Variants in GP2 observed in about 807,000 individuals in gnomAD.
GP2 encodes pancreatic secretory granule membrane major glycoprotein GP2.
A neutral mutation model predicts 60.8 loss-of-function variants in GP2; 58 were observed. The ratio of observed to expected loss-of-function variants is 0.95; its 90% CI spans 0.77 to 1.19. The LOEUF (loss-of-function observed/expected upper bound fraction) is 1.19, where lower values mean the gene tolerates loss of function less well. Ranked by LOEUF, GP2 falls within the 50% of genes most tolerant of loss-of-function variation. The pLI is 0.00. For synonymous variants in GP2, 280 were observed against 253.4 expected, an observed-to-expected ratio of 1.10 and a Z score of -1.00; for missense variants, 647 against 667.4, an observed-to-expected ratio of 0.97 and a Z score of 0.34.
In GP2 at chr16:20,320,272, T is replaced by C. The variant is rs1340558646; in HGVS notation, c.848A>G (p.Asn283Ser). The change falls in exon 5 of 11, where the codon AAC (asparagine) becomes AGC (serine). Residue 283 changes from asparagine to serine, a missense_variant. By Grantham distance (46) the Asn-to-Ser change is conservative. Transcript: ENST00000302555. ...TSPVQASACR[N>S]ILERNQTHAI... The stretch of plus-strand genomic sequence containing the variant: ...GTGAAAGCCACTTACCTCCAGAATG[T>C]TCCTGCAGGCACTAGCCTGGACGGG... 1 of 1,612,174 alleles carries C rather than the reference T, an allele frequency of 6.2e-7. No individual in the cohort carries two copies. The highest frequency in any genetic ancestry group is 8.5e-7 in the Non-Finnish European group (1 of 1,178,176).
intron 9 of GP2, among the ~76,000 whole-genome samples, chr16:20,315,561 C>A: frequency 6.6e-6 from 1 of 152,054 alleles, no homozygotes; most frequent in Admixed American, 6.6e-5. Context: ...ATTATGGGGA[C>A]CTGGAAGCAG....
At chr16:20,315,650 G>A (rs753224823) in intron 9 of GP2, among the ~76,000 whole-genome samples, 1 of 152,138 alleles carries the variant, frequency 6.6e-6, no homozygotes. Flanking sequence ...TCATGAGTAG[G>A]GGGATCTTGG....
chr16:20,326,766 C>A (rs907650774), intron 1 of GP2: 3 of 226,472 alleles, frequency 1.3e-5, no homozygotes, highest in Non-Finnish European at 2.6e-5. Flanking sequence ...AATACCTGCA[C>A]ACAAAAGTAA....
At chr16:20,321,986 C>T (rs1735979633) in intron 4 of GP2, among the ~76,000 whole-genome samples, 1 of 152,174 alleles carries the variant, frequency 6.6e-6, no homozygotes, top group African/African-American at 2.4e-5. Flanking sequence ...ATCTCTGGGG[C>T]CTTATCCACT....
chr16:20,322,144 C>T (rs1354320537), intron 4 of GP2, among the ~76,000 whole-genome samples: 1 of 152,220 alleles, frequency 6.6e-6, no homozygotes, highest in African/African-American at 2.4e-5. Context: ...TCCTTCTTGT[C>T]CTGCTGCCTA....
chr16:20,322,328 C>T (rs1166981076), intron 4 of GP2, among the ~76,000 whole-genome samples: 2 of 152,182 alleles, frequency 1.3e-5, no homozygotes, highest in African/African-American at 2.4e-5. Context: ...GACATCCCTA[C>T]CCATGGGACA....
chr16:20,316,677 G>C (rs539894902), intron 8 of GP2, among the ~76,000 whole-genome samples: 6 of 152,264 alleles, frequency 3.9e-5, no homozygotes, highest in Non-Finnish European at 7.3e-5. Flanking sequence ...CTAGTAGACA[G>C]ATTTCTTTAT....
intron 10 of GP2, among the ~76,000 whole-genome samples, 160 bp downstream of exon 10, chr16:20,314,497 G>T (rs1964096488): frequency 6.6e-6 from 1 of 152,036 alleles, no homozygotes; most frequent in Non-Finnish European, 1.5e-5. Flanking sequence ...CTTGTTAAAG[G>T]ACTACCTCCT....
chr16:20,318,223 G>A lies in GP2; in HGVS notation c.1215C>T (p.Asp405=). The A allele has an allele frequency of 1.2e-6, 2 of 1,613,014 alleles. No homozygotes were observed. Among genetic ancestry groups the A allele is most frequent in the Non-Finnish European group, 1.7e-6 (2 of 1,178,944 alleles). Residue 405 remains aspartate (D), a synonymous_variant, in exon 7 of 11, where the codon GAC becomes GAT. Coordinates refer to ENST00000302555, the MANE Select transcript of GP2 (RefSeq NM_001502.4). ...TGAAATACTTCACAAGGTCAGCCTT[G>A]TCTTCAGTGGGGGTGGCATAGCAGT... is the stretch of plus-strand genomic sequence containing the variant. The part of the protein sequence containing the change: ...LRNCYATPTE[D]KADLVKYFII...
chr16:20,316,716 T>C (rs1296635480), intron 8 of GP2, among the ~76,000 whole-genome samples: 2 of 152,024 alleles, frequency 1.3e-5, no homozygotes, highest in Non-Finnish European at 2.9e-5. Flanking sequence ...ACACAAAAAT[T>C]GCTTAGATAT....
chr16:20,321,220 A>C (rs1292258529), intron 4 of GP2, among the ~76,000 whole-genome samples: 1 of 151,902 alleles, frequency 6.6e-6, no homozygotes, highest in African/African-American at 2.4e-5. Flanking sequence ...GAGCCACCAC[A>C]CCTGGCTAAT....
At chr16:20,317,173 A>G (rs761179246) in intron 8 of GP2, 40 bp downstream of exon 8, 28 of 1,282,388 alleles carry the variant, frequency 2.2e-5, no homozygotes, top group African/African-American at 3.4e-5. Context: ...ACCAGGCTCC[A>G]TGCCAGGCTC....
At chr16:20,312,090 T>C (rs916012678) in intron 10 of GP2, among the ~76,000 whole-genome samples, 1 of 152,224 alleles carries the variant, frequency 6.6e-6, no homozygotes, top group African/African-American at 2.4e-5. Context: ...GCCTGGCACA[T>C]GGTAAACACT....
At chr16:20,315,384 G>A (rs1207290250) in intron 9 of GP2, among the ~76,000 whole-genome samples, 1 of 152,136 alleles carries the variant, frequency 6.6e-6, no homozygotes, top group Non-Finnish European at 1.5e-5. Context: ...AAACACTACT[G>A]TAAACCCATG....
At chr16:20,327,139 C>A (rs1964556821) in intron 1 of GP2, among the ~76,000 whole-genome samples, 1 of 152,098 alleles carries the variant, frequency 6.6e-6, no homozygotes, top group Non-Finnish European at 1.5e-5. Context: ...GGCAGGGATA[C>A]CATGAGTATG....
chr16:20,326,126 G>A (rs1964526279), intron 2 of GP2: 1 of 572,350 alleles, frequency 1.7e-6, no homozygotes, highest in Non-Finnish European at 3.1e-6. Context: ...GGCTCCCACT[G>A]CCCTTTCAGA....
Position 20,318,287 on chromosome 16 carries a change from T to C in GP2, c.1151A>G (p.Glu384Gly), listed in dbSNP as rs1402600085. Residue 384 changes from glutamate to glycine, a missense_variant, in exon 7 of 11, where the codon GAA (glutamate) becomes GGA (glycine). Coordinates refer to ENST00000302555, the MANE Select transcript of GP2 (RefSeq NM_001502.4). ...ESVLYVGAIL[E>G]QGDTSRFNLV... The stretch of plus-strand genomic sequence containing the variant: ...GTTAAACCGGGAGGTGTCCCCTTGT[T>C]CCAAGATGGCACCCACATACAGCAC... The C allele has an allele frequency of 1.2e-6, 2 of 1,613,344 alleles. No individual in the cohort carries two copies. The highest frequency in any genetic ancestry group is 2.2e-5 in the East Asian group (1 of 44,890).
In GP2 at chr16:20,323,021, C is replaced by T. The variant is rs148738808; in HGVS notation, c.536-42G>A. 6.1e-3 allele frequency: 7,206 copies of T among 1,180,370 alleles called. 71 individuals are homozygous for T. Among genetic ancestry groups the T allele is most frequent in the Non-Finnish European group, 5.5e-3 (4,341 of 790,176 alleles). 73.1% of individuals were successfully genotyped at this position (1,180,370 alleles called of 1,614,324 possible). A position where few individuals can be genotyped will look rare whatever the true frequency, so the allele number is the denominator to read the frequency against. On this transcript the variant is annotated intron_variant, in intron 3 of 10. Transcript: ENST00000302555. ...GGAGAGAGAAGATCAGGATGCAGTG[C>T]GGGCTGGACTTGAGGCCCCCAAGTC...
Position 20,316,005 on chromosome 16 carries a change from C to A in GP2, c.1452G>T (p.Pro484=). 1 of 1,613,234 alleles carries A rather than the reference C, an allele frequency of 6.2e-7. No individual in the cohort carries two copies. Among genetic ancestry groups the A allele is most frequent in the Non-Finnish European group, 8.5e-7 (1 of 1,179,270 alleles). ...CTAGAACCCGGGCTAGGTCGATGGC[C>A]GGTACTTCACTGCGGACTTGACTTC... ...CSRSQVRSEV[P]AIDLARVLDL... The change falls in exon 9 of 11, where the codon CCG becomes CCT. Residue 484 remains proline (P), a synonymous_variant. Coordinates refer to ENST00000302555, the MANE Select transcript of GP2 (RefSeq NM_001502.4).
Sources: allele counts gnomAD v4.1 joint callset (sites outside exome capture counted in the v4.1 genomes callset), GRCh38; gene constraint gnomAD v4.1.1; transcripts MANE v1.5; gene names NCBI Gene and HGNC (gene_info 2026-07-23, HGNC 2026-07-21).